The following PEAK1 variants were observed in gnomAD, a reference collection of about 807,000 sequenced individuals.
PEAK1 encodes inactive tyrosine-protein kinase PEAK1.
PEAK1 carries 54 observed loss-of-function variants against 124.7 expected under a neutral mutation model. The ratio of observed to expected loss-of-function variants is 0.43; its 90% CI spans 0.35 to 0.54. The LOEUF is 0.54. Among genes scored for constraint, PEAK1 ranks in the 20% least tolerant of loss-of-function variants. The pLI is 0.01. For missense variants in PEAK1, 2,046 were observed against 2,134.5 expected, an observed-to-expected ratio of 0.96 and a Z score of 0.82; for synonymous variants, 719 against 760.0, an observed-to-expected ratio of 0.95 and a Z score of 0.89.
chr15:77,195,829 T>C (rs549552436), intron 6 of PEAK1, among the ~76,000 whole-genome samples: 8 of 152,210 alleles, frequency 5.3e-5, no homozygotes, highest in African/African-American at 1.9e-4. Context: ...CTATTAGACA[T>C]GTGTTGCCGA....
rs1219779406 is a variant in PEAK1, at chr15:77,206,500, C to T, written c.-114-24460G>A. 3.8e-3 allele frequency among the ~76,000 whole-genome samples: 570 copies of T among 150,146 alleles called. 2 individuals carry two copies. The highest frequency in any genetic ancestry group is 0.011 in the African/African-American group (461 of 40,682). On this transcript the variant is annotated intron_variant, in intron 6 of 9. Transcript: ENST00000682557. Reference sequence around the variant, plus strand: ...CTCTCCAGCACCTGTTGTTTCCTGACTTTTTAATGATTGCCATTCTAACTG... The same window carrying T: ...CTCTCCAGCACCTGTTGTTTCCTGATTTTTTAATGATTGCCATTCTAACTG...
intron 2 of PEAK1, chr15:77,334,893 T>C: frequency 1.0e-6 from 1 of 985,396 alleles, no homozygotes; most frequent in Non-Finnish European, 1.2e-6. Context: ...ATTGCTTCCT[T>C]TTTATTACTG....
At chr15:77,398,288 C>T (rs1392050773) in intron 1 of PEAK1, among the ~76,000 whole-genome samples, 3 of 152,038 alleles carry the variant, frequency 2.0e-5, no homozygotes, top group Non-Finnish European at 1.5e-5. Flanking sequence ...CAAAACCACA[C>T]AAAGACACAT....
At chr15:77,220,539 G>T (rs559109578) in intron 6 of PEAK1, among the ~76,000 whole-genome samples, 1 of 141,678 alleles carries the variant, frequency 7.1e-6, no homozygotes, top group African/African-American at 2.6e-5. Flanking sequence ...AAAAAAAAAC[G>T]GTGAGGAACC....
At chr15:77,116,712 CT>C (rs2051414889) in intron 9 of PEAK1, among the ~76,000 whole-genome samples, 1 of 122,418 alleles carries the variant, frequency 8.2e-6, no homozygotes, top group Non-Finnish European at 1.8e-5. Flanking sequence ...ATCTATCTAT[CT>C]ATCTATCTAT....
chr15:77,304,984 A>G (rs1431409215), intron 2 of PEAK1, among the ~76,000 whole-genome samples: 1 of 151,938 alleles, frequency 6.6e-6, no homozygotes, highest in African/African-American at 2.4e-5. Context: ...CATCTCTACA[A>G]AAGGTAAACA....
chr15:77,348,941 C>A (rs1014378725), intron 2 of PEAK1: 10 of 946,910 alleles, frequency 1.1e-5, no homozygotes, highest in African/African-American at 3.6e-5. Flanking sequence ...CATGTATGGA[C>A]TATGTCTCTT....
In PEAK1 at chr15:77,180,868, A is replaced by G; in HGVS notation, c.1059T>C (p.Arg353=). 1 of 1,614,006 alleles carries G rather than the reference A, an allele frequency of 6.2e-7. No homozygotes were observed. ...SPDSSLTEES[R]SETASSLSQK... ...GGGATAAACTACTGGCTGTCTCAGA[A>G]CGTGATTCTTCTGTTAAAGAAGAAT... Residue 353 remains arginine (R), a synonymous_variant, in exon 7 of 10, where the codon CGT becomes CGC. Coordinates refer to ENST00000682557, the MANE Select transcript of PEAK1 (RefSeq NM_001385026.1).
chr15:77,170,233 C>CTA (rs1425300340), intron 7 of PEAK1, among the ~76,000 whole-genome samples: 3 of 151,626 alleles, frequency 2.0e-5, no homozygotes, highest in Non-Finnish European at 4.4e-5. Flanking sequence ...CGGTGGTTTA[C>CTA]TATACTAGTC....
chr15:77,318,354 T>C (rs2065001479), intron 2 of PEAK1, among the ~76,000 whole-genome samples: 4 of 152,290 alleles, frequency 2.6e-5, no homozygotes, highest in Middle Eastern at 3.4e-3. Context: ...CTGTGAATAT[T>C]TAACTTAAAA....
chr15:77,179,811 C>T lies in PEAK1; in HGVS notation c.2116G>A (p.Val706Ile). The T allele has an allele frequency of 1.9e-6, 3 of 1,614,106 alleles. No individual in the cohort carries two copies. The highest frequency in any genetic ancestry group is 1.7e-6 in the Non-Finnish European group (2 of 1,180,010). Residue 706 changes from valine (V) to isoleucine (I), a missense_variant, in exon 7 of 10, where the codon GTT (valine) becomes ATT (isoleucine). Transcript: ENST00000682557. The part of the protein sequence containing the change: ...EHKRGSVAQK[V>I]QEFNNCLNRG... ...TTGAGACAGTTGTTAAACTCTTGAA[C>T]CTTCTGAGCCACTGAGCCCCTTTTA... is the stretch of plus-strand genomic sequence containing the variant.
At chr15:77,396,584 AAGATATTCCATGC>A (rs1467617134) in intron 1 of PEAK1, among the ~76,000 whole-genome samples, 1 of 152,186 alleles carries the variant, frequency 6.6e-6, no homozygotes, top group Non-Finnish European at 1.5e-5. Flanking sequence ...GAAATGGAAA[AAGATATTCCATGC>A]CAATGGAAAC....
intron 6 of PEAK1, among the ~76,000 whole-genome samples, chr15:77,202,592 C>A (rs1432214003): frequency 6.6e-6 from 1 of 151,624 alleles, no homozygotes. Flanking sequence ...CGGTGAAACC[C>A]CGTCTCTACT....
At chr15:77,332,251 T>C (rs2065933131) in intron 2 of PEAK1, 3 of 985,092 alleles carry the variant, frequency 3.0e-6, no homozygotes, top group Non-Finnish European at 3.6e-6. Context: ...AAGTTGATTT[T>C]TTTCCCCCTG....
At chr15:77,220,805 T>A (rs1459049260) in intron 6 of PEAK1, among the ~76,000 whole-genome samples, 1 of 152,116 alleles carries the variant, frequency 6.6e-6, no homozygotes, top group East Asian at 1.9e-4. Flanking sequence ...ATATGTCTCA[T>A]AGACAGTATA....
At chr15:77,140,571 A>G (rs1271054803) in intron 8 of PEAK1, among the ~76,000 whole-genome samples, 1 of 152,206 alleles carries the variant, frequency 6.6e-6, no homozygotes, top group African/African-American at 2.4e-5. Flanking sequence ...TACTCAATGA[A>G]CTAGAAACAG....
At chr15:77,348,597 A>G in intron 2 of PEAK1, 1 of 977,832 alleles carries the variant, frequency 1.0e-6, no homozygotes, top group Non-Finnish European at 1.2e-6. Flanking sequence ...AGGCAGAAAA[A>G]GGGCTAAAAT....
chr15:77,411,592 T>C (rs1355509718), intron 1 of PEAK1, among the ~76,000 whole-genome samples: 1 of 152,212 alleles, frequency 6.6e-6, no homozygotes, highest in Non-Finnish European at 1.5e-5. Context: ...CATTCTCTAA[T>C]AAGCTTCATT....
intron 2 of PEAK1, among the ~76,000 whole-genome samples, chr15:77,339,014 T>A (rs1054277990): frequency 6.6e-6 from 1 of 152,156 alleles, no homozygotes; most frequent in Non-Finnish European, 1.5e-5. Flanking sequence ...ATTGGTTATT[T>A]CTGAGAAGGG....
Sources: allele counts gnomAD v4.1 joint callset (sites outside exome capture counted in the v4.1 genomes callset), GRCh38; gene constraint gnomAD v4.1.1; transcripts MANE v1.5; gene names NCBI Gene and HGNC (gene_info 2026-07-23, HGNC 2026-07-21).